The following PARP15 variants were observed in gnomAD, a reference collection of about 807,000 sequenced individuals.
The protein encoded by PARP15 is protein mono-ADP-ribosyltransferase PARP15.
A neutral mutation model predicts 62.1 loss-of-function variants in PARP15; 50 were observed. The observed-to-expected ratio is 0.81, with a 90% CI of 0.64 to 1.02. The LOEUF (loss-of-function observed/expected upper bound fraction) is 1.02. Among genes scored for constraint, PARP15 ranks in the 50% least tolerant of loss-of-function variants. The pLI is 0.00. For synonymous variants in PARP15, 309 were observed against 293.1 expected, an observed-to-expected ratio of 1.05 and a Z score of -0.55; for missense variants, 820 against 826.5, an observed-to-expected ratio of 0.99 and a Z score of 0.10.
intron 4 of PARP15, chr3:122,615,534 ACCCC>A: frequency 1.7e-5 from 19 of 1,117,248 alleles, no homozygotes; most frequent in Non-Finnish European, 2.3e-5. Context: ...CACAGTCAGC[ACCCC>A]TGCTGACATA....
chr3:122,612,733 AT>A (rs143169785), intron 3 of PARP15, among the ~76,000 whole-genome samples: 36 of 148,454 alleles, frequency 2.4e-4, no homozygotes, highest in Admixed American at 6.0e-4. Flanking sequence ...CTGCCAATAC[AT>A]TTTTTTTTTA....
At chr3:122,596,540 C>T (rs1434931617) in intron 1 of PARP15, among the ~76,000 whole-genome samples, 2 of 152,068 alleles carry the variant, frequency 1.3e-5, no homozygotes, top group Non-Finnish European at 2.9e-5. Flanking sequence ...TTCTGTTTCT[C>T]TCATATCCTC....
intron 8 of PARP15, 66 bp downstream of exon 8, chr3:122,621,677 C>G (rs529405973): frequency 3.5e-6 from 5 of 1,431,750 alleles, no homozygotes; most frequent in South Asian, 2.9e-5. Flanking sequence ...TAGTCTCACT[C>G]TTAAGCAGAT....
In PARP15 at chr3:122,635,018, A is replaced by G; in HGVS notation, c.1573-2A>G. The G allele has an allele frequency of 6.2e-7, 1 of 1,613,632 alleles. No individual in the cohort carries two copies. Among genetic ancestry groups the G allele is most frequent in the Non-Finnish European group, 8.5e-7 (1 of 1,179,812 alleles). ...AAATATTTTGTCTTTTGTTACCTGC[A>G]GATTGAGAGGATACAGAATGCATTT... is the stretch of plus-strand genomic sequence containing the variant. On this transcript the variant is annotated splice_acceptor_variant, in intron 10 of 11. Coordinates refer to ENST00000464300, the MANE Select transcript of PARP15 (RefSeq NM_001113523.3). LOFTEE classifies it high-confidence loss of function.
At chr3:122,578,591 T>A (rs1488864860) in intron 1 of PARP15, among the ~76,000 whole-genome samples, 1 of 149,976 alleles carries the variant, frequency 6.7e-6, no homozygotes, top group Non-Finnish European at 1.5e-5. Flanking sequence ...CATTGACCCG[T>A]TTATTCATCT....
chr3:122,599,728 C>A (rs1016780175), intron 1 of PARP15, among the ~76,000 whole-genome samples: 92 of 152,192 alleles, frequency 6.0e-4, no homozygotes, highest in African/African-American at 2.1e-3. Flanking sequence ...TGTGCACCAC[C>A]AAGCCCAGCT....
intron 1 of PARP15, among the ~76,000 whole-genome samples, chr3:122,584,127 A>T (rs534342275): frequency 2.6e-5 from 4 of 152,328 alleles, no homozygotes; most frequent in African/African-American, 9.6e-5. Flanking sequence ...CTGTTATCAA[A>T]TATCTCAAAA....
intron 8 of PARP15, among the ~76,000 whole-genome samples, chr3:122,625,104 TA>T (rs1936619570): frequency 6.6e-6 from 1 of 152,180 alleles, no homozygotes; most frequent in African/African-American, 2.4e-5. Context: ...CTTCTATTAT[TA>T]CCCCCAATTT....
intron 1 of PARP15, among the ~76,000 whole-genome samples, chr3:122,593,011 A>G (rs566544278): frequency 6.6e-6 from 1 of 152,292 alleles, no homozygotes; most frequent in African/African-American, 2.4e-5. Context: ...GTCACCTTGA[A>G]CATTCAATTT....
chr3:122,596,800 G>A (rs13072646), intron 1 of PARP15, among the ~76,000 whole-genome samples: 10,613 of 152,226 alleles, frequency 0.07, 391 homozygotes, highest in Middle Eastern at 0.12. Context: ...AGGAAGAAGT[G>A]GTGAAGCCAA....
chr3:122,605,657 T>G (rs1935111070), intron 1 of PARP15, among the ~76,000 whole-genome samples: 1 of 152,302 alleles, frequency 6.6e-6, no homozygotes, highest in African/African-American at 2.4e-5. Flanking sequence ...CACCGCCACC[T>G]TGATTTCCTG....
Position 122,616,911 on chromosome 3 carries a change from A to T in PARP15, c.851-104A>T, listed in dbSNP as rs193123338. The stretch of plus-strand genomic sequence containing the variant: ...GCAATATTTCGGTTTATGTTGGGGG[A>T]AAAGAAAGAGGGCTGAGCTGGGAAG... On this transcript the variant is annotated intron_variant, in intron 5 of 11. Transcript: ENST00000464300. 1.7e-5 allele frequency: 23 copies of T among 1,330,758 alleles called. No homozygotes were observed. The East Asian group carries it at 5.2e-4, about 30-fold the overall frequency. The allele number at this position is 1,330,758 out of a possible 1,614,324, so 82.4% of individuals were successfully genotyped here.
At chr3:122,587,251 T>C (rs2107809995) in intron 1 of PARP15, among the ~76,000 whole-genome samples, 1 of 152,378 alleles carries the variant, frequency 6.6e-6, no homozygotes, top group East Asian at 1.9e-4. Context: ...AAAGCTGCTA[T>C]AAATATTTAT....
intron 1 of PARP15, among the ~76,000 whole-genome samples, chr3:122,599,194 C>A (rs1477257509): frequency 1.3e-5 from 2 of 152,228 alleles, no homozygotes. Flanking sequence ...CCACACCCAG[C>A]CTGTCCTTTA....
intron 1 of PARP15, among the ~76,000 whole-genome samples, chr3:122,592,267 G>A (rs1933984303): frequency 6.6e-6 from 1 of 152,134 alleles, no homozygotes; most frequent in African/African-American, 2.4e-5. Context: ...GCCATAAAAA[G>A]GATGAGATCA....
chr3:122,608,768 C>CTTT (rs200651765), intron 2 of PARP15, among the ~76,000 whole-genome samples: 45 of 137,190 alleles, frequency 3.3e-4, no homozygotes, highest in East Asian at 1.0e-3. Flanking sequence ...AACAAGGTTA[C>CTTT]TTTTTTTTTT....
At chr3:122,612,117 G>A (rs1014617268) in intron 3 of PARP15, among the ~76,000 whole-genome samples, 6 of 150,920 alleles carry the variant, frequency 4.0e-5, no homozygotes, top group East Asian at 2.0e-4. Context: ...GTGCAGTGGC[G>A]CGATCTTACC....
chr3:122,615,518 C>A, intron 4 of PARP15: 1 of 1,129,348 alleles, frequency 8.9e-7, no homozygotes, highest in Non-Finnish European at 1.2e-6. Context: ...TGACTTCCTG[C>A]AGAGCCACAG....
rs56122337 is a variant in PARP15 at position 122,616,896 on chromosome 3, G to A, written c.851-119G>A. 0.015 allele frequency: 17,063 copies of A among 1,125,778 alleles called. 1,651 individuals carry two copies. The African/African-American group carries it at 0.22, about 15-fold the overall frequency. The allele number at this position is 1,125,778 out of a possible 1,614,324, so 69.7% of individuals were successfully genotyped here. A position where few individuals can be genotyped will look rare whatever the true frequency, so the allele number is the denominator to read the frequency against. ...AGGCCAGGAGATGTGGCAATATTTC[G>A]GTTTATGTTGGGGGAAAAGAAAGAG... On this transcript the variant is annotated intron_variant, in intron 5 of 11. Transcript: ENST00000464300.
Sources: allele counts gnomAD v4.1 joint callset (sites outside exome capture counted in the v4.1 genomes callset), GRCh38; gene constraint gnomAD v4.1.1; transcripts MANE v1.5; gene names NCBI Gene and HGNC (gene_info 2026-07-23, HGNC 2026-07-21).